The following NUDCD3 variants were observed in gnomAD, a reference collection of about 807,000 sequenced individuals.
NUDCD3 encodes nudC domain-containing protein 3.
NUDCD3 carries 13 observed loss-of-function variants against 39.7 expected under a neutral mutation model. The ratio of observed to expected loss-of-function variants is 0.33; its 90% CI spans 0.21 to 0.52. The LOEUF is 0.52. Ranked by LOEUF, NUDCD3 falls within the 20% of genes least tolerant of loss-of-function variation. The probability of loss-of-function intolerance (pLI) is 0.96; values close to 1 mark genes in which losing one functional copy is unlikely to be tolerated. For missense variants in NUDCD3, 453 were observed against 458.1 expected (o/e 0.99, Z 0.10); for synonymous variants, 175 against 172.4 (o/e 1.02, Z -0.12).
At chr7:44,451,354 C>G (rs1799790955) in intron 2 of NUDCD3, among the ~76,000 whole-genome samples, 1 of 152,178 alleles carries the variant, frequency 6.6e-6, no homozygotes. Context: ...GTCACTGTTT[C>G]ATGGGTACAG....
intron 4 of NUDCD3, among the ~76,000 whole-genome samples, chr7:44,393,212 G>C (rs1798552678): frequency 6.6e-6 from 1 of 152,130 alleles, no homozygotes; most frequent in South Asian, 2.1e-4. Context: ...AACCCCAAAA[G>C]AGGCCTCCTT....
intron 1 of NUDCD3, among the ~76,000 whole-genome samples, chr7:44,488,727 T>C (rs1053819719): frequency 2.6e-5 from 4 of 152,190 alleles, no homozygotes; most frequent in African/African-American, 4.8e-5. Context: ...TGGATCATCT[T>C]TGACCCATCC....
intron 2 of NUDCD3, among the ~76,000 whole-genome samples, chr7:44,464,254 G>A (rs1007453466): frequency 7.9e-5 from 12 of 150,992 alleles, no homozygotes; most frequent in Non-Finnish European, 1.2e-4. Context: ...AGCAAGAATC[G>A]TTTCCCAAAT....
At chr7:44,439,684 G>GT (rs1372543253) in intron 2 of NUDCD3, among the ~76,000 whole-genome samples, 1 of 151,716 alleles carries the variant, frequency 6.6e-6, no homozygotes, top group Non-Finnish European at 1.5e-5. Context: ...CTGGAACAGT[G>GT]TGGGGGGCAA....
intron 2 of NUDCD3, among the ~76,000 whole-genome samples, chr7:44,452,057 T>C (rs1422018841): frequency 6.6e-6 from 1 of 152,180 alleles, no homozygotes; most frequent in Non-Finnish European, 1.5e-5. Flanking sequence ...GGTGGCTGCC[T>C]TGATTCAAAA....
At chr7:44,487,807 C>A (rs1800644715) in intron 1 of NUDCD3, among the ~76,000 whole-genome samples, 1 of 151,666 alleles carries the variant, frequency 6.6e-6, no homozygotes, top group South Asian at 2.1e-4. Context: ...TACAAAAATT[C>A]TCTAGGCATG....
intron 4 of NUDCD3, among the ~76,000 whole-genome samples, chr7:44,392,769 C>A (rs1447453516): frequency 6.6e-6 from 1 of 152,118 alleles, no homozygotes; most frequent in African/African-American, 2.4e-5. Context: ...TTCAGCAGGT[C>A]CTGGATACTC....
At chr7:44,400,953 C>T (rs533294193) in intron 4 of NUDCD3, among the ~76,000 whole-genome samples, 2 of 152,222 alleles carry the variant, frequency 1.3e-5, no homozygotes, top group East Asian at 1.9e-4. Context: ...GAGCAAAGCC[C>T]TCAACTCACT....
At chr7:44,454,772 AT>A (rs1372468619) in intron 2 of NUDCD3, among the ~76,000 whole-genome samples, 2 of 151,730 alleles carry the variant, frequency 1.3e-5, no homozygotes, top group Non-Finnish European at 2.9e-5. Flanking sequence ...ACCAAAAAAA[AT>A]TTTTTTTTAA....
chr7:44,454,216 G>A (rs1436553295), intron 2 of NUDCD3, among the ~76,000 whole-genome samples: 1 of 152,186 alleles, frequency 6.6e-6, no homozygotes, highest in Non-Finnish European at 1.5e-5. Context: ...GCGGGCACCT[G>A]TAGTCCCAGC....
chr7:44,403,535 G>A (rs554207645), intron 4 of NUDCD3, among the ~76,000 whole-genome samples: 1 of 152,248 alleles, frequency 6.6e-6, no homozygotes, highest in South Asian at 2.1e-4. Flanking sequence ...CACTCCTTTC[G>A]GTACCTGGCC....
At chr7:44,454,077 C>T (rs1423269990) in intron 2 of NUDCD3, among the ~76,000 whole-genome samples, 4 of 152,182 alleles carry the variant, frequency 2.6e-5, no homozygotes, top group Non-Finnish European at 4.4e-5. Context: ...TGGTGGCTCA[C>T]GCCTGTAATC....
chr7:44,384,024 A>T lies in NUDCD3; in HGVS notation c.*1987T>A, dbSNP rs1798355924. ...TGCTGTTTATTAAAGCAGGGCAGGG[A>T]GTGGGGAGAAATGCAACACAGAATA... On this transcript the variant is annotated 3_prime_UTR_variant, in exon 6 of 6. Transcript: ENST00000355451. The T allele has an allele frequency of 6.6e-6, 1 of 152,258 alleles. No individual in the cohort carries two copies. The highest frequency in any genetic ancestry group is 6.5e-5 in the Admixed American group (1 of 15,288). 9.4% of individuals were successfully genotyped at this position (152,258 alleles called of 1,614,324 possible). A position where few individuals can be genotyped will look rare whatever the true frequency, so the allele number is the denominator to read the frequency against.
At chr7:44,480,941 C>CAAAAAAAAAAAAAAAA (rs1164765600) in intron 2 of NUDCD3, among the ~76,000 whole-genome samples, 1 of 34,882 alleles carries the variant, frequency 2.9e-5, no homozygotes, top group African/African-American at 1.1e-4. Context: ...GACCCAGTAT[C>CAAAAAAAAAAAAAAAA]AAAAAAAAAA....
chr7:44,412,329 A>G lies in NUDCD3; in HGVS notation c.643-7746T>C, dbSNP rs566021272. Among the ~76,000 whole-genome samples the G allele has an allele frequency of 3.9e-5, 6 of 152,336 alleles. No individual in the cohort carries two copies. The East Asian group carries it at 1.2e-3, about 29-fold the overall frequency. On this transcript the variant is annotated intron_variant, in intron 3 of 5. Coordinates refer to ENST00000355451, the MANE Select transcript of NUDCD3 (RefSeq NM_015332.4). The stretch of plus-strand genomic sequence containing the variant: ...GGCACAAAATCCTTATTCACATACA[A>G]CTTGTAACAGATGGTGTATACAATC...
chr7:44,433,262 ATG>A (rs141636094), intron 2 of NUDCD3, among the ~76,000 whole-genome samples: 503 of 151,792 alleles, frequency 3.3e-3, no homozygotes, highest in Middle Eastern at 6.9e-3. Context: ...CTAGGCCAAC[ATG>A]TGTGTGTGTG....
chr7:44,428,566 T>C (rs186831516), intron 2 of NUDCD3, among the ~76,000 whole-genome samples: 1 of 152,340 alleles, frequency 6.6e-6, no homozygotes, highest in East Asian at 1.9e-4. Context: ...TAAAATTGTA[T>C]GCATCATTGT....
intron 3 of NUDCD3, among the ~76,000 whole-genome samples, chr7:44,425,223 T>C (rs1448661963): frequency 6.6e-6 from 1 of 152,102 alleles, no homozygotes; most frequent in Admixed American, 6.6e-5. Flanking sequence ...GACGGGTTGA[T>C]AGGCACAGCA....
intron 2 of NUDCD3, among the ~76,000 whole-genome samples, chr7:44,460,632 T>C (rs913535261): frequency 6.6e-6 from 1 of 152,154 alleles, no homozygotes; most frequent in African/African-American, 2.4e-5. Flanking sequence ...CACCTGAGGT[T>C]CTAAACCTAT....
Sources: allele counts gnomAD v4.1 joint callset (sites outside exome capture counted in the v4.1 genomes callset), GRCh38; gene constraint gnomAD v4.1.1; transcripts MANE v1.5; gene names NCBI Gene and HGNC (gene_info 2026-07-23, HGNC 2026-07-21).